The following NFAT5 variants were observed in gnomAD, a reference collection of about 807,000 sequenced individuals.
NFAT5 encodes nuclear factor of activated T cells 5, also known as nuclear factor of activated T-cells 5.
In NFAT5, 31 loss-of-function variants were observed where a neutral mutation model predicts 166.5. The observed-to-expected ratio is 0.19, with a 90% CI of 0.14 to 0.25. The LOEUF (loss-of-function observed/expected upper bound fraction) is 0.25, where lower values mean the gene tolerates loss of function less well. Among genes scored for constraint, NFAT5 ranks in the 10% least tolerant of loss-of-function variants. The pLI is 1.00. For synonymous variants in NFAT5, 612 were observed against 639.7 expected (o/e 0.96, Z 0.65); for missense variants, 1,449 against 1,821.8 (o/e 0.80, Z 3.72).
intron 7 of NFAT5, 145 bp downstream of exon 7, chr16:69,660,044 G>C (rs1302562177): frequency 1.5e-5 from 10 of 666,520 alleles, no homozygotes; most frequent in South Asian, 2.6e-5. Flanking sequence ...GCAGTAGTCA[G>C]ATTTTCTAGA....
At chr16:69,649,127 A>T (rs894359557) in intron 4 of NFAT5, 2 of 874,712 alleles carry the variant, frequency 2.3e-6, no homozygotes, top group African/African-American at 3.6e-5. Flanking sequence ...TTGTAGAACT[A>T]TTACTTATAA....
chr16:69,657,624 G>A (rs1436737999), intron 6 of NFAT5, among the ~76,000 whole-genome samples: 2 of 149,744 alleles, frequency 1.3e-5, no homozygotes, highest in Admixed American at 6.7e-5. Context: ...GCCAGGCGTG[G>A]TGGTGGGCGC....
chr16:69,624,903 T>TAA (rs376117061), intron 2 of NFAT5, among the ~76,000 whole-genome samples: 34 of 140,126 alleles, frequency 2.4e-4, no homozygotes, highest in Admixed American at 6.5e-4. Context: ...TTCTTTTTTT[T>TAA]AAAAAAAAAA....
rs2037936152 is a variant in NFAT5 at position 69,703,721 on chromosome 16, C to G, written c.*7370C>G. ...AAATACATAGGCAAACTGTTGGGAG[C>G]TGCTCTAGTTACATTCCTCCCTTCT... On this transcript the variant is annotated 3_prime_UTR_variant, in exon 15 of 15. Coordinates refer to ENST00000349945, the MANE Select transcript of NFAT5 (RefSeq NM_138713.4). 6.6e-6 allele frequency: 1 copy of G among 152,620 alleles called. No homozygotes were observed. Among genetic ancestry groups the G allele is most frequent in the Admixed American group, 6.5e-5 (1 of 15,278 alleles). The allele number at this position is 152,620 out of a possible 1,614,324, so 9.5% of individuals were successfully genotyped here.
chr16:69,584,181 G>A (rs1223195165), intron 2 of NFAT5, among the ~76,000 whole-genome samples: 1 of 152,128 alleles, frequency 6.6e-6, no homozygotes, highest in Admixed American at 6.5e-5. Context: ...AGCTGAGATC[G>A]TGCCACTGCA....
chr16:69,639,816 AAGAG>A (rs10560603), intron 3 of NFAT5, among the ~76,000 whole-genome samples: 1 of 152,172 alleles, frequency 6.6e-6, no homozygotes, highest in African/African-American at 2.4e-5. Context: ...AAACACCTGA[AAGAG>A]AGAATTCTGG....
At chr16:69,661,662 A>G (rs1427853542) in intron 7 of NFAT5, among the ~76,000 whole-genome samples, 1 of 151,718 alleles carries the variant, frequency 6.6e-6, no homozygotes, top group Non-Finnish European at 1.5e-5. Flanking sequence ...TCATTTAGTC[A>G]ACATAAATTA....
chr16:69,592,051 T>C (rs2032490873), intron 2 of NFAT5, among the ~76,000 whole-genome samples: 1 of 151,786 alleles, frequency 6.6e-6, no homozygotes, highest in African/African-American at 2.4e-5. Context: ...TACCAATAAT[T>C]CTTAAAAGGA....
chr16:69,568,346 A>ATATATATATATG lies in NFAT5; in HGVS notation c.74-148_74-147insATATATATATGT, dbSNP rs1190306661. ...AAAATGTATGTGTGTATATATATAT[A>ATATATATATATG]TGTGTGTGTGTGTGTGTGTGTGTGT... is the stretch of plus-strand genomic sequence containing the variant. On this transcript the variant is annotated intron_variant, in intron 1 of 14. Transcript: ENST00000349945. The ATATATATATATG allele has an allele frequency of 3.3e-5, 6 of 180,672 alleles. No individual in the cohort carries two copies. The East Asian group carries it at 5.8e-4, about 17-fold the overall frequency. 11.2% of individuals were successfully genotyped at this position (180,672 alleles called of 1,614,324 possible). A position where few individuals can be genotyped will look rare whatever the true frequency, so the allele number is the denominator to read the frequency against.
chr16:69,619,738 C>G (rs1194812672), intron 2 of NFAT5, among the ~76,000 whole-genome samples: 1 of 152,156 alleles, frequency 6.6e-6, no homozygotes. Flanking sequence ...TTCATCTCTT[C>G]CTGGAATGAC....
chr16:69,604,843 A>G (rs1445951272), intron 2 of NFAT5, among the ~76,000 whole-genome samples: 1 of 152,096 alleles, frequency 6.6e-6, no homozygotes, highest in Non-Finnish European at 1.5e-5. Flanking sequence ...TTCCCTCAGT[A>G]TAATATTTTT....
rs1465232102 is a variant in NFAT5, at chr16:69,614,851, T to C, written c.128-11552T>C. 1.3e-5 allele frequency among the ~76,000 whole-genome samples: 2 copies of C among 150,346 alleles called. 1 individual carries two copies. The highest frequency in any genetic ancestry group is 2.9e-5 in the Non-Finnish European group (2 of 67,840). On this transcript the variant is annotated intron_variant, in intron 2 of 14. Transcript: ENST00000349945. ...GAATCTGAAATCATTCCTTGGTGTT[T>C]CCTGGACTTTTATGGTTTTCTTTTT... is the stretch of plus-strand genomic sequence containing the variant.
chr16:69,615,761 C>T (rs1468905737), intron 2 of NFAT5, among the ~76,000 whole-genome samples: 1 of 152,080 alleles, frequency 6.6e-6, no homozygotes, highest in African/African-American at 2.4e-5. Context: ...TTTCATCTTA[C>T]TATGTTTACT....
chr16:69,643,336 G>A (rs986562534), intron 3 of NFAT5, among the ~76,000 whole-genome samples: 1 of 151,958 alleles, frequency 6.6e-6, no homozygotes, highest in Non-Finnish European at 1.5e-5. Flanking sequence ...ATTCCCAGGA[G>A]GATTTGTCAG....
At chr16:69,675,430 G>A (rs1258392034) in intron 9 of NFAT5, among the ~76,000 whole-genome samples, 5 of 152,194 alleles carry the variant, frequency 3.3e-5, no homozygotes, top group Non-Finnish European at 7.3e-5. Context: ...ACAAGATTCA[G>A]TAACTCTGTT....
At chr16:69,667,736 A>G (rs1004175893) in intron 7 of NFAT5, among the ~76,000 whole-genome samples, 3 of 151,184 alleles carry the variant, frequency 2.0e-5, no homozygotes, top group African/African-American at 7.4e-5. Context: ...TTGGTAATAC[A>G]ATATATTAAT....
At chr16:69,610,918 C>G (rs1005776794) in intron 2 of NFAT5, among the ~76,000 whole-genome samples, 5 of 152,082 alleles carry the variant, frequency 3.3e-5, no homozygotes, top group Non-Finnish European at 5.9e-5. Flanking sequence ...TATTTATGTG[C>G]TTTCAGTCAA....
At chr16:69,577,066 G>T (rs2016801301) in intron 2 of NFAT5, among the ~76,000 whole-genome samples, 1 of 152,284 alleles carries the variant, frequency 6.6e-6, no homozygotes, top group Non-Finnish European at 1.5e-5. Context: ...ATTTTGCATA[G>T]AGCCTTTATT....
chr16:69,688,182 G>A (rs1328304406), intron 11 of NFAT5, among the ~76,000 whole-genome samples: 1 of 117,028 alleles, frequency 8.5e-6, no homozygotes. Context: ...CCGCCTGGGC[G>A]ACAGAGCGAG....
Sources: allele counts gnomAD v4.1 joint callset (sites outside exome capture counted in the v4.1 genomes callset), GRCh38; gene constraint gnomAD v4.1.1; transcripts MANE v1.5; gene names NCBI Gene and HGNC (gene_info 2026-07-23, HGNC 2026-07-21).